Variants in GALNT14 observed in about 807,000 individuals in gnomAD.
GALNT14 encodes polypeptide N-acetylgalactosaminyltransferase 14.
In GALNT14, 60 loss-of-function variants were observed where a neutral mutation model predicts 77.5. The ratio of observed to expected loss-of-function variants is 0.77; its 90% CI spans 0.63 to 0.96. GALNT14 has a LOEUF of 0.96. Ranked by LOEUF, GALNT14 falls within the 40% of genes least tolerant of loss-of-function variation. The pLI is 0.00. For synonymous variants in GALNT14, 280 were observed against 281.7 expected (o/e 0.99, Z 0.06); for missense variants, 710 against 731.0 (o/e 0.97, Z 0.33).
intron 8 of GALNT14, 144 bp downstream of exon 8, chr2:30,944,714 A>C (rs777289602): frequency 1.2e-5 from 7 of 598,078 alleles, no homozygotes; most frequent in Non-Finnish European, 1.9e-5. Context: ...ACCTCCTAAA[A>C]TAAAGGCAAA....
chr2:30,920,556 T>C (rs1304402156), intron 13 of GALNT14, among the ~76,000 whole-genome samples: 1 of 151,516 alleles, frequency 6.6e-6, no homozygotes, highest in Non-Finnish European at 1.5e-5. Context: ...AAACAGGACA[T>C]TTACATGGGA....
At chr2:31,126,528 G>C (rs935684130) in intron 1 of GALNT14, among the ~76,000 whole-genome samples, 2 of 152,152 alleles carry the variant, frequency 1.3e-5, no homozygotes, top group African/African-American at 4.8e-5. Flanking sequence ...AAAAAGAATA[G>C]ATGACTAACT....
At chr2:31,081,362 G>T (rs1169168989) in intron 1 of GALNT14, among the ~76,000 whole-genome samples, 1 of 152,222 alleles carries the variant, frequency 6.6e-6, no homozygotes, top group Non-Finnish European at 1.5e-5. Context: ...GACTGATTCA[G>T]TCTAAACTTG....
At chr2:31,128,967 G>GAA (rs531891870) in intron 1 of GALNT14, among the ~76,000 whole-genome samples, 7 of 105,406 alleles carry the variant, frequency 6.6e-5, no homozygotes, top group Admixed American at 2.6e-4. Context: ...AAATAAAATT[G>GAA]AAAAAAAAAA....
intron 1 of GALNT14, among the ~76,000 whole-genome samples, chr2:31,111,164 G>A (rs557573557): frequency 7.9e-5 from 12 of 152,326 alleles, no homozygotes; most frequent in Admixed American, 7.8e-4. Context: ...TACCCAGGAT[G>A]CAGATGGGGG....
intron 1 of GALNT14, among the ~76,000 whole-genome samples, chr2:31,027,917 T>TGTGTGTGTGTGTGTGTGTGTGTGTGTGC (rs1303110300): frequency 2.0e-5 from 3 of 150,526 alleles, no homozygotes; most frequent in African/African-American, 4.9e-5. Flanking sequence ...TGTGTGTGTG[T>TGTGTGTGTGTGTGTGTGTGTGTGTGTGC]GCACGCATGC....
chr2:30,914,077 C>T (rs1664528621), intron 13 of GALNT14, among the ~76,000 whole-genome samples: 1 of 152,220 alleles, frequency 6.6e-6, no homozygotes, highest in Non-Finnish European at 1.5e-5. Flanking sequence ...GCTGCTGCTG[C>T]TAATAAGAGC....
intron 2 of GALNT14, among the ~76,000 whole-genome samples, chr2:30,981,722 G>A (rs1484051422): frequency 3.3e-5 from 5 of 152,154 alleles, no homozygotes; most frequent in Non-Finnish European, 5.9e-5. Context: ...AACTTACTTA[G>A]TACCTAAGCC....
At chr2:31,131,639 C>G (rs1355306920) in intron 1 of GALNT14, among the ~76,000 whole-genome samples, 1 of 152,138 alleles carries the variant, frequency 6.6e-6, no homozygotes, top group African/African-American at 2.4e-5. Flanking sequence ...AATAAGACCA[C>G]TTCAGAAAGC....
chr2:30,888,437 C>T, the GALNT14 span, among the ~76,000 whole-genome samples: 4 of 152,204 alleles, frequency 2.6e-5, no homozygotes, highest in Non-Finnish European at 2.9e-5. Flanking sequence ...ACCCCCACTT[C>T]ATAGAGCTGA....
intron 13 of GALNT14, among the ~76,000 whole-genome samples, chr2:30,912,771 C>T (rs368073639): frequency 2.6e-5 from 4 of 152,212 alleles, no homozygotes; most frequent in East Asian, 3.9e-4. Context: ...TATCTTTAGA[C>T]TCTCCCCTGT....
intron 2 of GALNT14, among the ~76,000 whole-genome samples, chr2:30,970,983 C>G (rs1321726970): frequency 6.6e-6 from 1 of 152,174 alleles, no homozygotes; most frequent in Admixed American, 6.5e-5. Context: ...TCCTGTGACT[C>G]CTAATCTGGT....
rs369686209 is a variant in GALNT14, at chr2:31,133,696, C to A, written c.129+4262G>T. Among the ~76,000 whole-genome samples, 47 of 152,232 alleles carry A rather than the reference C, an allele frequency of 3.1e-4. 1 individual carries two copies. In the East Asian group the frequency reaches 3.1e-3, roughly 10 times the overall value. On this transcript the variant is annotated intron_variant, in intron 1 of 14. Transcript: ENST00000349752. ...TTTTAGTCAGTTATTGTATGATTCT[C>A]CAAATGGCAAACAAATGATAGGGAG... is the stretch of plus-strand genomic sequence containing the variant.
chr2:30,971,517 C>T (rs1458426756), intron 2 of GALNT14, among the ~76,000 whole-genome samples: 2 of 152,148 alleles, frequency 1.3e-5, no homozygotes, highest in African/African-American at 4.8e-5. Flanking sequence ...TGATCGCTGA[C>T]ATGCTGTTTC....
At chr2:30,978,549 C>T (rs1034995047) in intron 2 of GALNT14, among the ~76,000 whole-genome samples, 1 of 152,186 alleles carries the variant, frequency 6.6e-6, no homozygotes, top group Non-Finnish European at 1.5e-5. Context: ...AATTGTGGCG[C>T]TGGATTTATG....
At chr2:30,892,167 GA>G in the GALNT14 span, among the ~76,000 whole-genome samples, 8 of 152,158 alleles carry the variant, frequency 5.3e-5, no homozygotes, top group Non-Finnish European at 8.8e-5. Flanking sequence ...TACAGCCATA[GA>G]TGATTACAAA....
At chr2:30,994,822 T>C (rs577190202) in intron 1 of GALNT14, among the ~76,000 whole-genome samples, 1 of 152,238 alleles carries the variant, frequency 6.6e-6, no homozygotes, top group Admixed American at 6.5e-5. Flanking sequence ...AGAAGAGCGA[T>C]GTGGAGCTGG....
chr2:31,005,020 T>C (rs1205854115), intron 1 of GALNT14, among the ~76,000 whole-genome samples: 1 of 152,170 alleles, frequency 6.6e-6, no homozygotes, highest in Non-Finnish European at 1.5e-5. Context: ...TTAAACCTGC[T>C]CTTGGGCAAA....
chr2:30,888,591 A>G, the GALNT14 span, among the ~76,000 whole-genome samples: 2 of 152,272 alleles, frequency 1.3e-5, no homozygotes, highest in Admixed American at 1.3e-4. Flanking sequence ...TGGAACAACA[A>G]TTTAGCATGG....
Sources: gnomAD v4.1 joint callset for allele counts (sites outside exome capture counted in the v4.1 genomes callset) on GRCh38, gnomAD v4.1.1 for gene constraint, MANE v1.5 for transcripts, NCBI Gene and HGNC (gene_info 2026-07-23, HGNC 2026-07-21) for gene names.